The following AACS variants were observed in gnomAD, a reference collection of about 807,000 sequenced individuals.
The protein encoded by AACS is acetoacetyl-CoA synthetase, also known as acetoacetate-CoA ligase.
AACS carries 69 observed loss-of-function variants against 83.1 expected under a neutral mutation model. The ratio of observed to expected loss-of-function variants is 0.83; its 90% confidence interval spans 0.68 to 1.01. The LOEUF (loss-of-function observed/expected upper bound fraction) is 1.01. Ranked by LOEUF, AACS falls within the 50% of genes least tolerant of loss-of-function variation. The probability of loss-of-function intolerance (pLI) is 0.00; values close to 1 mark genes in which losing one functional copy is unlikely to be tolerated. For missense variants in AACS, 866 were observed against 882.2 expected, an observed-to-expected ratio of 0.98 and a Z score of 0.23; for synonymous variants, 333 against 343.4, an observed-to-expected ratio of 0.97 and a Z score of 0.33.
rs1174972389 is a variant in AACS at position 125,103,451 on chromosome 12, G to A, written c.767+370G>A. 7.2e-5 allele frequency among the ~76,000 whole-genome samples: 7 copies of A among 97,112 alleles called. No individual in the cohort carries two copies. The East Asian group carries it at 1.1e-3, about 15-fold the overall frequency. 63.7% of individuals were successfully genotyped at this position (97,112 alleles called of 152,430 possible). ...GCATGCACTGCACACGCATGCACAC[G>A]ACAAGGCACACATATCTACACGTGT... On this transcript the variant is annotated intron_variant, in intron 7 of 17. Coordinates refer to ENST00000316519, the MANE Select transcript of AACS (RefSeq NM_023928.5).
intron 1 of AACS, among the ~76,000 whole-genome samples, chr12:125,069,843 G>C (rs1189927635): frequency 6.6e-6 from 1 of 152,232 alleles, no homozygotes; most frequent in Non-Finnish European, 1.5e-5. Flanking sequence ...GAGCTCATGT[G>C]AAGATAGTGC....
At chr12:125,099,170 C>T (rs185971123) in intron 5 of AACS, among the ~76,000 whole-genome samples, 4 of 152,198 alleles carry the variant, frequency 2.6e-5, no homozygotes, top group African/African-American at 7.2e-5. Flanking sequence ...TGCGATTTCC[C>T]CCTCTGTTAG....
chr12:125,092,363 C>T (rs1956505021), intron 5 of AACS: 1 of 152,446 alleles, frequency 6.6e-6, no homozygotes, highest in Non-Finnish European at 1.5e-5. Context: ...CCTTTAAAAC[C>T]CAGTGCCCGG....
chr12:125,102,877 G>T, intron 6 of AACS, 84 bp downstream of exon 6: 1 of 1,434,922 alleles, frequency 7.0e-7, no homozygotes, highest in Non-Finnish European at 9.8e-7. Context: ...AATCTGGGTA[G>T]TCTCTGCCCC....
At position 125,065,866 on chromosome 12, in the gene AACS, C is replaced by A. The variant is rs951922341; in HGVS notation, c.133+149C>A. On this transcript the variant is annotated intron_variant, in intron 1 of 17. Coordinates refer to ENST00000316519, the MANE Select transcript of AACS (RefSeq NM_023928.5). ...GGCCTTCTGACTGCGGGGTTCCCCCCAGTCTTGGGGAACATCACCCCTCCA... is the reference window on the plus strand; with the variant it reads ...GGCCTTCTGACTGCGGGGTTCCCCCAAGTCTTGGGGAACATCACCCCTCCA... 5 of 1,242,586 alleles carry A rather than the reference C, an allele frequency of 4.0e-6. No individual in the cohort carries two copies. In the African/African-American group the frequency reaches 4.8e-5, roughly 12 times the overall value. 77.0% of individuals were successfully genotyped at this position (1,242,586 alleles called of 1,614,324 possible).
At chr12:125,081,010 T>G (rs931771836) in intron 3 of AACS, among the ~76,000 whole-genome samples, 1 of 151,592 alleles carries the variant, frequency 6.6e-6, no homozygotes, top group Middle Eastern at 3.5e-3. Context: ...TATTTTATTT[T>G]GAGATGGAGT....
At chr12:125,114,331 C>G (rs1449470513) in intron 8 of AACS, 146 bp from the exon 9 acceptor site, 1 of 614,968 alleles carries the variant, frequency 1.6e-6, no homozygotes, top group Non-Finnish European at 2.8e-6. Flanking sequence ...GGGGAACCCT[C>G]CAAAGTCTGC....
At chr12:125,084,223 C>T (rs1484646118) in intron 3 of AACS, among the ~76,000 whole-genome samples, 2 of 151,546 alleles carry the variant, frequency 1.3e-5, no homozygotes, top group Non-Finnish European at 2.9e-5. Context: ...GAGGCTGAGG[C>T]AGGAGAATTG....
At chr12:125,134,098 T>C (rs1255727009) in intron 15 of AACS, 26 bp downstream of exon 15, 1 of 1,610,094 alleles carries the variant, frequency 6.2e-7, no homozygotes, top group Non-Finnish European at 8.5e-7. Flanking sequence ...TCGGCTTCTC[T>C]TTCCTGGAGC....
At chr12:125,115,023 G>A (rs951569543) in intron 9 of AACS, among the ~76,000 whole-genome samples, 1 of 152,172 alleles carries the variant, frequency 6.6e-6, no homozygotes, top group East Asian at 1.9e-4. Flanking sequence ...CCCAGCGCAC[G>A]GTGTCGAGTT....
intron 10 of AACS, chr12:125,124,490 G>C: frequency 1.7e-6 from 1 of 586,420 alleles, no homozygotes; most frequent in Non-Finnish European, 3.0e-6. Flanking sequence ...CTGGCCCTGC[G>C]TGCTGAAATC....
At position 125,103,087 on chromosome 12, in the gene AACS, G is replaced by A; in HGVS notation, c.767+6G>A. On this transcript the variant is annotated splice_donor_region_variant and intron_variant, in intron 7 of 17. Coordinates refer to ENST00000316519, the MANE Select transcript of AACS (RefSeq NM_023928.5). ...CTTTCAAAGATTCCAAACAGGTAAT[G>A]TACCGCATTCTGACCCACAGGTCCG... The A allele has an allele frequency of 6.2e-7, 1 of 1,613,036 alleles. No homozygotes were observed. The highest frequency in any genetic ancestry group is 8.5e-7 in the Non-Finnish European group (1 of 1,179,590).
intron 3 of AACS, among the ~76,000 whole-genome samples, chr12:125,085,541 C>T (rs925414974): frequency 1.3e-5 from 2 of 152,212 alleles, no homozygotes; most frequent in South Asian, 2.1e-4. Context: ...CACGTTGCAT[C>T]CACATCTGTT....
At chr12:125,087,882 G>A (rs1044046968) in intron 4 of AACS, among the ~76,000 whole-genome samples, 7 of 152,174 alleles carry the variant, frequency 4.6e-5, no homozygotes, top group African/African-American at 2.4e-5. Context: ...TGGGCATGCC[G>A]GCTGCCTCCT....
At chr12:125,085,287 C>T (rs1956305676) in intron 3 of AACS, among the ~76,000 whole-genome samples, 1 of 152,246 alleles carries the variant, frequency 6.6e-6, no homozygotes, top group Admixed American at 6.5e-5. Flanking sequence ...GAACCACGCA[C>T]ACGCATGTTG....
At chr12:125,133,939 G>C in intron 14 of AACS, 64 bp from the exon 15 acceptor site, 14 of 1,570,868 alleles carry the variant, frequency 8.9e-6, no homozygotes, top group South Asian at 5.6e-5. Context: ...CCCAGCGTCT[G>C]TCCAGGCAGC....
chr12:125,138,408 A>C (rs1360057787), intron 17 of AACS: 1 of 152,094 alleles, frequency 6.6e-6, no homozygotes, highest in East Asian at 1.9e-4. Flanking sequence ...GTACTTCTTG[A>C]ATCAGTGACC....
At chr12:125,099,524 C>T (rs1956675340) in intron 5 of AACS, among the ~76,000 whole-genome samples, 1 of 152,218 alleles carries the variant, frequency 6.6e-6, no homozygotes, top group African/African-American at 2.4e-5. Context: ...TGAGAGGCCA[C>T]ATGCTTCAGC....
intron 10 of AACS, chr12:125,122,557 C>T (rs1957169690): frequency 6.7e-6 from 1 of 150,130 alleles, no homozygotes; most frequent in South Asian, 2.1e-4. Context: ...GCAGGAGGAT[C>T]ACTTGAACCC....
Sources: gnomAD v4.1 joint callset for allele counts (sites outside exome capture counted in the v4.1 genomes callset) on GRCh38, gnomAD v4.1.1 for gene constraint, MANE v1.5 for transcripts, NCBI Gene and HGNC (gene_info 2026-07-23, HGNC 2026-07-21) for gene names.